Variants in TSHZ1 observed in about 807,000 individuals in gnomAD.
TSHZ1 encodes teashirt zinc finger homeobox 1.
Under a neutral mutation model 67.1 loss-of-function variants are expected in TSHZ1, and 12 were observed. The ratio of observed to expected loss-of-function variants is 0.18; its 90% confidence interval spans 0.11 to 0.29. The LOEUF (loss-of-function observed/expected upper bound fraction) is 0.29. TSHZ1 is among the 10% of genes least tolerant of loss of function. The probability of loss-of-function intolerance (pLI) is 1.00; values close to 1 mark genes in which losing one functional copy is unlikely to be tolerated. For missense variants in TSHZ1, 1,305 were observed against 1,413.9 expected, an observed-to-expected ratio of 0.92 and a Z score of 1.23; for synonymous variants, 632 against 622.4, an observed-to-expected ratio of 1.02 and a Z score of -0.23.
At chr18:75,274,757 G>C (rs1412121650) in intron 1 of TSHZ1, among the ~76,000 whole-genome samples, 1 of 152,072 alleles carries the variant, frequency 6.6e-6, no homozygotes, top group Non-Finnish European at 1.5e-5. Context: ...ACGGCATCTT[G>C]TAAAGCAATT....
At chr18:75,254,609 A>G (rs904698574) in intron 1 of TSHZ1, among the ~76,000 whole-genome samples, 2 of 152,230 alleles carry the variant, frequency 1.3e-5, no homozygotes, top group African/African-American at 4.8e-5. Flanking sequence ...TGGGAGTGGG[A>G]AAAGACACAC....
At chr18:75,246,069 G>A (rs894615468) in intron 1 of TSHZ1, among the ~76,000 whole-genome samples, 1 of 152,148 alleles carries the variant, frequency 6.6e-6, no homozygotes, top group East Asian at 1.9e-4. Context: ...GCACCGAAGC[G>A]CCTTTACCTT....
chr18:75,280,559 C>T (rs1215722295), intron 1 of TSHZ1, among the ~76,000 whole-genome samples: 1 of 152,152 alleles, frequency 6.6e-6, no homozygotes, highest in Non-Finnish European at 1.5e-5. Context: ...GGGGAAAGAC[C>T]AGGGCTGGGA....
chr18:75,289,521 G>A lies in TSHZ1; in HGVS notation c.*880G>A, dbSNP rs1259002526. The A allele has an allele frequency of 6.0e-6, 1 of 167,074 alleles. No homozygotes were observed. The highest frequency in any genetic ancestry group is 1.5e-5 in the Non-Finnish European group (1 of 68,118). The allele number at this position is 167,074 out of a possible 1,614,324, so 10.3% of individuals were successfully genotyped here. A position where few individuals can be genotyped will look rare whatever the true frequency, so the allele number is the denominator to read the frequency against. On this transcript the variant is annotated 3_prime_UTR_variant, in exon 2 of 2. Transcript: ENST00000580243. ...GAAAAAAAATGGGGCAAACGTTGGA[G>A]TCCTTTCCTTGTAAATTGCCAGCAT...
At position 75,281,312 on chromosome 18, in the gene TSHZ1, C is replaced by A. The variant is rs568084909; in HGVS notation, c.41-4136C>A. Among the ~76,000 whole-genome samples the A allele has an allele frequency of 6.6e-6, 1 of 152,110 alleles. No individual in the cohort carries two copies. Among genetic ancestry groups the A allele is most frequent in the African/African-American group, 2.4e-5 (1 of 41,414 alleles). On this transcript the variant is annotated intron_variant, in intron 1 of 1. Transcript: ENST00000580243. This position sits in a 1 kb window ranked among gnomAD's most constrained non-coding sequence, Gnocchi z 5.3. Reference sequence around the variant, plus strand: ...TCGGATACTCTCGTTTGGGGTTATTCGGTAACGTCTGAATCTGGAGATTCA... The same window carrying A: ...TCGGATACTCTCGTTTGGGGTTATTAGGTAACGTCTGAATCTGGAGATTCA...
rs1221451156 is a variant in TSHZ1 at position 75,288,333 on chromosome 18, G to A, written c.2926G>A (p.Ala976Thr). 2 of 1,614,204 alleles carry A rather than the reference G, an allele frequency of 1.2e-6. No individual in the cohort carries two copies. The highest frequency in any genetic ancestry group is 1.6e-4 in the Middle Eastern group (1 of 6,062). ...GHPVFFCNDC[A>T]SQFRTASTYI... is the part of the protein sequence containing the mutation. ...TCCTGTTTTCTTTTGCAACGATTGT[G>A]CCTCTCAGTTCAGAACTGCTTCTAC... The change falls in exon 2 of 2, where the codon GCC becomes ACC. Residue 976 changes from alanine (A) to threonine (T), a missense_variant. By Grantham distance (58) the Ala-to-Thr change is moderately conservative. Coordinates refer to ENST00000580243, the MANE Select transcript of TSHZ1 (RefSeq NM_001308210.2). This position sits in a 1 kb window ranked among gnomAD's most constrained non-coding sequence, Gnocchi z 4.9.
At chr18:75,237,791 C>CTTTTATTTATTTATTTATTTATTT (rs150217532) in intron 1 of TSHZ1, among the ~76,000 whole-genome samples, 14 of 143,570 alleles carry the variant, frequency 9.8e-5, no homozygotes, top group South Asian at 2.2e-4. Flanking sequence ...TTCTTTCTTT[C>CTTTTATTTATTTATTTATTTATTT]ATTTATTTAT....
At chr18:75,274,840 G>A (rs2639969) in intron 1 of TSHZ1, among the ~76,000 whole-genome samples, 1,869 of 152,264 alleles carry the variant, frequency 0.012, 31 homozygotes, top group African/African-American at 0.043. Flanking sequence ...TGTCATGATA[G>A]TGTTGATATA....
chr18:75,280,544 G>T (rs1599056405), intron 1 of TSHZ1, among the ~76,000 whole-genome samples: 1 of 152,304 alleles, frequency 6.6e-6, no homozygotes, highest in South Asian at 2.1e-4. Flanking sequence ...CCCGATAGTG[G>T]CAAAGGGGAA....
rs2022694925 is a variant in TSHZ1, at chr18:75,211,803, G to GCCCGGGGC, written c.-69_-62dup. ...GGGCGCGCCGCGGAGTTGCGCCCGC[G>GCCCGGGGC]CCCGGGGCCCCGCGTCCCCGCGCCC... On this transcript the variant is annotated 5_prime_UTR_variant, in exon 1 of 2. It removes the in-frame stop codon of an upstream open reading frame in the 5' UTR. Coordinates refer to ENST00000580243, the MANE Select transcript of TSHZ1 (RefSeq NM_001308210.2). The GCCCGGGGC allele has an allele frequency of 1.4e-5, 14 of 1,000,246 alleles. No homozygotes were observed. Among genetic ancestry groups the GCCCGGGGC allele is most frequent in the Non-Finnish European group, 1.7e-5 (14 of 835,214 alleles). 62.0% of individuals were successfully genotyped at this position (1,000,246 alleles called of 1,614,324 possible). A position where few individuals can be genotyped will look rare whatever the true frequency, so the allele number is the denominator to read the frequency against.
intron 1 of TSHZ1, among the ~76,000 whole-genome samples, chr18:75,274,376 C>G (rs115175351): frequency 6.6e-6 from 1 of 151,916 alleles, no homozygotes; most frequent in Non-Finnish European, 1.5e-5. Flanking sequence ...GTGACGCCAA[C>G]GGTGAGGGTG....
At chr18:75,280,479 C>T (rs1048397648) in intron 1 of TSHZ1, among the ~76,000 whole-genome samples, 23 of 152,204 alleles carry the variant, frequency 1.5e-4, no homozygotes, top group African/African-American at 5.5e-4. Flanking sequence ...AAAACATTTA[C>T]TCCATATCTT....
Position 75,286,746 on chromosome 18 carries a change from T to G in TSHZ1, c.1339T>G (p.Ser447Ala). 1.2e-6 allele frequency: 2 copies of G among 1,613,546 alleles called. No individual in the cohort carries two copies. Among genetic ancestry groups the G allele is most frequent in the Non-Finnish European group, 1.7e-6 (2 of 1,180,024 alleles). Residue 447 changes from serine (S) to alanine (A), a missense_variant, in exon 2 of 2, where the codon TCG becomes GCG. Transcript: ENST00000580243. This position sits in a 1 kb window ranked among gnomAD's most constrained non-coding sequence, Gnocchi z 5.1. The stretch of plus-strand genomic sequence containing the variant: ...CGGGCACTTCCTGAAAGTGACCACC[T>G]CGGCTTCTAAGAAGGGCAAGCAGTT... ...VTGHFLKVTT[S>A]ASKKGKQLVL...
At chr18:75,212,027 G>T in intron 1 of TSHZ1, 111 bp downstream of exon 1, 2 of 838,738 alleles carry the variant, frequency 2.4e-6, no homozygotes, top group Non-Finnish European at 1.5e-6. Flanking sequence ...CCAAGCTGGG[G>T]AGGGGAGGCC....
chr18:75,223,196 T>C (rs1443968554), intron 1 of TSHZ1, among the ~76,000 whole-genome samples: 1 of 152,230 alleles, frequency 6.6e-6, no homozygotes, highest in Non-Finnish European at 1.5e-5. Flanking sequence ...GATTTAGGGA[T>C]ACATGGAAAT....
At chr18:75,266,449 G>T (rs1568364306) in intron 1 of TSHZ1, among the ~76,000 whole-genome samples, 1 of 152,166 alleles carries the variant, frequency 6.6e-6, no homozygotes, top group Non-Finnish European at 1.5e-5. Context: ...ATTCGAGGAG[G>T]GGTGGGTGTG....
rs2022944351 is a variant in TSHZ1 at position 75,227,709 on chromosome 18, C to T, written c.40+15793C>T. On this transcript the variant is annotated intron_variant, in intron 1 of 1. Transcript: ENST00000580243. Reference sequence around the variant, plus strand: ...CTGAAGTTATTTACAGCATCAGATACCATTTAAAGAGATAGTGAAGGAGAC... The same window carrying T: ...CTGAAGTTATTTACAGCATCAGATATCATTTAAAGAGATAGTGAAGGAGAC... Among the ~76,000 whole-genome samples the T allele has an allele frequency of 2.0e-5, 3 of 152,196 alleles. No homozygotes were observed. In the South Asian group the frequency reaches 6.2e-4, roughly 31 times the overall value.
At chr18:75,224,832 C>T (rs926221642) in intron 1 of TSHZ1, among the ~76,000 whole-genome samples, 11 of 152,052 alleles carry the variant, frequency 7.2e-5, no homozygotes, top group African/African-American at 2.7e-4. Flanking sequence ...TTTCCCTGTT[C>T]TTTCTCAAGC....
Position 75,211,934 on chromosome 18 carries a change from C to T in TSHZ1, c.40+18C>T, listed in dbSNP as rs1374497866. The T allele has an allele frequency of 4.2e-6, 5 of 1,202,492 alleles. No individual in the cohort carries two copies. Among genetic ancestry groups the T allele is most frequent in the East Asian group, 6.9e-5 (2 of 29,078 alleles). 74.5% of individuals were successfully genotyped at this position (1,202,492 alleles called of 1,614,324 possible). A position where few individuals can be genotyped will look rare whatever the true frequency, so the allele number is the denominator to read the frequency against. On this transcript the variant is annotated intron_variant, in intron 1 of 1. Coordinates refer to ENST00000580243, the MANE Select transcript of TSHZ1 (RefSeq NM_001308210.2). The stretch of plus-strand genomic sequence containing the variant: ...CTCGGCAGGTAACGGGCGCGCGGCC[C>T]GCGCCGCGGGGAGTGGGCGCCGGGA...
Sources: allele counts gnomAD v4.1 joint callset (sites outside exome capture counted in the v4.1 genomes callset), GRCh38; gene constraint gnomAD v4.1.1; non-coding constraint Gnocchi (gnomAD v3.1); transcripts MANE v1.5; gene names NCBI Gene and HGNC (gene_info 2026-07-23, HGNC 2026-07-21).